Variants in PPP1R9B observed in about 807,000 individuals in gnomAD.
PPP1R9B encodes the protein neurabin-2.
A neutral mutation model predicts 75.8 loss-of-function variants in PPP1R9B; 17 were observed. That is an observed-to-expected ratio of 0.22 (90% CI 0.15 to 0.34). PPP1R9B has a LOEUF of 0.34. PPP1R9B is among the 10% of genes least tolerant of loss of function. The probability of loss-of-function intolerance (pLI) is 1.00; values close to 1 mark genes in which losing one functional copy is unlikely to be tolerated. For synonymous variants in PPP1R9B, 509 were observed against 535.4 expected, an observed-to-expected ratio of 0.95 and a Z score of 0.68; for missense variants, 875 against 1,196.0, an observed-to-expected ratio of 0.73 and a Z score of 3.96.
At position 50,149,769 on chromosome 17, in the gene PPP1R9B, G is replaced by A. The variant is rs1328875567; in HGVS notation, c.745C>T (p.Arg249Trp). The change falls in exon 1 of 10, where the codon CGG becomes TGG. Residue 249 changes from arginine to tryptophan, a missense_variant. By Grantham distance (101) the Arg-to-Trp change is moderately radical (BLOSUM62 -3). Around this residue, in one of 4 missense-constraint regions of PPP1R9B, gnomAD observed 449 missense variants for 475.0 expected, o/e 0.95. Transcript: ENST00000612501. The surrounding 1 kb of genome is among the most constrained non-coding windows in gnomAD (Gnocchi z 7.2). ...VNSKLVSKRS[R>W]VFQPPPPPPP... ...GGCGGCGGCGGGGGCTGGAACACCC[G>A]GGACCGCTTGCTGACCAGCTTCGAG... is the stretch of plus-strand genomic sequence containing the variant. 7.1e-7 allele frequency: 1 copy of A among 1,411,612 alleles called. No homozygotes were observed. Among genetic ancestry groups the A allele is most frequent in the South Asian group, 1.5e-5 (1 of 64,684 alleles). The allele number at this position is 1,411,612 out of a possible 1,614,324, so 87.4% of individuals were successfully genotyped here.
rs936270491 is a variant in PPP1R9B, at chr17:50,150,029, T to A, written c.485A>T (p.Asp162Val). 6.8e-7 allele frequency: 1 copy of A among 1,474,466 alleles called. No homozygotes were observed. The highest frequency in any genetic ancestry group is 1.5e-5 in the African/African-American group (1 of 67,894). The allele number at this position is 1,474,466 out of a possible 1,614,324, so 91.3% of individuals were successfully genotyped here. A position where few individuals can be genotyped will look rare whatever the true frequency, so the allele number is the denominator to read the frequency against. ...CAGCCGCCGCGCCGCGGCCTCCTTG[T>A]CGCCGCCTGCGGCCGCTGGGGCGCT... The part of the protein sequence containing the change: ...ERSAPAAAGG[D>V]KEAAARRLLR... The change falls in exon 1 of 10, where the codon GAC becomes GTC. Residue 162 changes from aspartate (D) to valine (V), a missense_variant. Coordinates refer to ENST00000612501, the MANE Select transcript of PPP1R9B (RefSeq NM_032595.5). This position sits in a 1 kb window ranked among gnomAD's most constrained non-coding sequence, Gnocchi z 8.7.
At position 50,135,004 on chromosome 17, in the gene PPP1R9B, T is replaced by C. The variant is rs1912181090; in HGVS notation, c.*327A>G. The C allele has an allele frequency of 6.0e-6, 2 of 333,042 alleles. No homozygotes were observed. The highest frequency in any genetic ancestry group is 1.1e-5 in the Non-Finnish European group (2 of 176,144). 20.6% of individuals were successfully genotyped at this position (333,042 alleles called of 1,614,324 possible). On this transcript the variant is annotated 3_prime_UTR_variant, in exon 10 of 10. Transcript: ENST00000612501. ...TCCAGTCCAGAGACAAAAGCTGGAG[T>C]GTGTAAAGTCTGGCAGTTTGATCTG...
chr17:50,146,315 G>A (rs1272864124), intron 1 of PPP1R9B: 1 of 152,166 alleles, frequency 6.6e-6, no homozygotes, highest in Admixed American at 6.5e-5. Flanking sequence ...AAGCTTCATC[G>A]CCTGCAGTGA....
chr17:50,144,389 T>C (rs1912461717), intron 2 of PPP1R9B, among the ~76,000 whole-genome samples: 1 of 152,188 alleles, frequency 6.6e-6, no homozygotes, highest in African/African-American at 2.4e-5. Context: ...CTCTGCCATC[T>C]TCCTGTCCAC....
chr17:50,149,869 G>A lies in PPP1R9B; in HGVS notation c.645C>T (p.Phe215=). The A allele has an allele frequency of 6.7e-7, 1 of 1,493,604 alleles. No individual in the cohort carries two copies. The highest frequency in any genetic ancestry group is 2.2e-5 in the Admixed American group (1 of 45,552). 92.5% of individuals were successfully genotyped at this position (1,493,604 alleles called of 1,614,324 possible). The change falls in exon 1 of 10, where the codon TTC becomes TTT. Residue 215 remains phenylalanine (F), a synonymous_variant. Transcript: ENST00000612501. The surrounding 1 kb of genome is among the most constrained non-coding windows in gnomAD (Gnocchi z 7.2). ...GGCCGGTCCTCGAGTCGGCCTTCTCGAAGACGGCGCTGAGCTGGCTGACCG... is the reference window on the plus strand; with the variant it reads ...GGCCGGTCCTCGAGTCGGCCTTCTCAAAGACGGCGCTGAGCTGGCTGACCG... ...SPTVSQLSAV[F]EKADSRTGLH...
Position 50,149,593 on chromosome 17 carries a change from C to A in PPP1R9B, c.921G>T (p.Gly307=). The A allele has an allele frequency of 1.9e-6, 3 of 1,569,806 alleles. No homozygotes were observed. The highest frequency in any genetic ancestry group is 1.7e-6 in the Non-Finnish European group (2 of 1,162,702). The change falls in exon 1 of 10, where the codon GGG becomes GGT. Residue 307 remains glycine, a synonymous_variant. Transcript: ENST00000612501. This position sits in a 1 kb window ranked among gnomAD's most constrained non-coding sequence, Gnocchi z 7.2. Reference sequence around the variant, plus strand: ...CGGGCGCCGACTCGGCCTCCGACTCCCCGCTCTCCTCCACCTCCACCGGCT... The same window carrying A: ...CGGGCGCCGACTCGGCCTCCGACTCACCGCTCTCCTCCACCTCCACCGGCT... ...KIKPVEVEES[G]ESEAESAPGE...
chr17:50,142,972 C>T lies in PPP1R9B; in HGVS notation c.1625+626G>A, dbSNP rs1430055090. On this transcript the variant is annotated intron_variant, in intron 3 of 9. Transcript: ENST00000612501. The surrounding 1 kb of genome is among the most constrained non-coding windows in gnomAD (Gnocchi z 4.1). ...CGCCACTGCCTGGAACCTCTGCACT[C>T]ACTCCCTCAGCACAGCTAACTCCTG... Among the ~76,000 whole-genome samples, 1 of 151,322 alleles carries T rather than the reference C, an allele frequency of 6.6e-6. No homozygotes were observed. Among genetic ancestry groups the T allele is most frequent in the Admixed American group, 6.6e-5 (1 of 15,144 alleles).
At chr17:50,143,530 C>T (rs1912440111) in intron 3 of PPP1R9B, 68 bp downstream of exon 3, 17 of 1,484,450 alleles carry the variant, frequency 1.1e-5, no homozygotes, top group Middle Eastern at 3.7e-4. Context: ...TGCTCAGTGG[C>T]CCACCCCACC....
chr17:50,136,704 C>T (rs1912240740), intron 7 of PPP1R9B, among the ~76,000 whole-genome samples: 1 of 152,152 alleles, frequency 6.6e-6, no homozygotes, highest in Non-Finnish European at 1.5e-5. Flanking sequence ...CAGGTGACCC[C>T]AGCGCAGACC....
In PPP1R9B at chr17:50,150,502, C is replaced by T. The variant is rs990358707; in HGVS notation, c.12G>A (p.Thr4=). The change falls in exon 1 of 10, where the codon ACG becomes ACA. Residue 4 remains threonine (T), a synonymous_variant. Transcript: ENST00000612501. The surrounding 1 kb of genome is among the most constrained non-coding windows in gnomAD (Gnocchi z 8.7). MMK[T]EPRGPGGPLR... is the part of the protein sequence containing the mutation. ...GGGGACCCCCGGGCCCCCGTGGCTC[C>T]GTCTTCATCATGGTGGGGGGAGCCG... is the stretch of plus-strand genomic sequence containing the variant. 2.4e-5 allele frequency: 32 copies of T among 1,347,596 alleles called. No individual in the cohort carries two copies. The highest frequency in any genetic ancestry group is 3.1e-5 in the African/African-American group (2 of 65,032). The allele number at this position is 1,347,596 out of a possible 1,614,324, so 83.5% of individuals were successfully genotyped here.
chr17:50,149,952 G>T lies in PPP1R9B; in HGVS notation c.562C>A (p.Arg188Ser). The change falls in exon 1 of 10, where the codon CGC (arginine) becomes AGC (serine). Residue 188 changes from arginine (R) to serine (S), a missense_variant. Physicochemically the swap from Arg to Ser is moderately radical, Grantham distance 110. Transcript: ENST00000612501. The surrounding 1 kb of genome is among the most constrained non-coding windows in gnomAD (Gnocchi z 7.2). Reference protein sequence around the residue: ...LQDRKLDVVVRFNGSTEALDK... With the variant: ...LQDRKLDVVVSFNGSTEALDK... ...AGCGCCTCGGTGCTGCCGTTGAAGC[G>T]CACCACGACGTCCAGCTTCCGGTCC... 3 of 1,514,812 alleles carry T rather than the reference G, an allele frequency of 2.0e-6. No homozygotes were observed. The highest frequency in any genetic ancestry group is 1.2e-5 in the South Asian group (1 of 81,992). 93.8% of individuals were successfully genotyped at this position (1,514,812 alleles called of 1,614,324 possible). A position where few individuals can be genotyped will look rare whatever the true frequency, so the allele number is the denominator to read the frequency against.
At chr17:50,143,521 G>C in intron 3 of PPP1R9B, 77 bp downstream of exon 3, 3 of 1,548,600 alleles carry the variant, frequency 1.9e-6, no homozygotes, top group Non-Finnish European at 1.8e-6. Context: ...CCCACCCCCT[G>C]CTCAGTGGCC....
In PPP1R9B at chr17:50,134,968, C is replaced by T. The variant is rs1408999765; in HGVS notation, c.*363G>A. ...CCCAGTTGGCAGATGCTGGGAGAGC[C>T]CCAGCCCCGTTCCAGTCCAGAGACA... On this transcript the variant is annotated 3_prime_UTR_variant, in exon 10 of 10. Transcript: ENST00000612501. 3.8e-6 allele frequency: 1 copy of T among 263,708 alleles called. No homozygotes were observed. The highest frequency in any genetic ancestry group is 7.4e-6 in the Non-Finnish European group (1 of 134,880). 16.3% of individuals were successfully genotyped at this position (263,708 alleles called of 1,614,324 possible).
At position 50,143,600 on chromosome 17, in the gene PPP1R9B, G is replaced by C. The variant is rs1263493762; in HGVS notation, c.1623C>G (p.Gly541=). 1 of 1,613,888 alleles carries C rather than the reference G, an allele frequency of 6.2e-7. No individual in the cohort carries two copies. The highest frequency in any genetic ancestry group is 1.7e-5 in the Admixed American group (1 of 60,020). The stretch of plus-strand genomic sequence containing the variant: ...GCGAGACTGGGGAGGATTGGTACCT[G>C]CCATCCCGATGGGCCGCACCACCCT... The part of the protein sequence containing the change: ...VTEGGAAHRD[G]RIQVNDLLVE... The change falls in exon 3 of 10, where the codon GGC becomes GGG. Residue 541 remains glycine, a splice_region_variant and synonymous_variant. Transcript: ENST00000612501.
In PPP1R9B at chr17:50,150,030, C is replaced by T. The variant is rs777453689; in HGVS notation, c.484G>A (p.Asp162Asn). Residue 162 changes from aspartate to asparagine, a missense_variant, in exon 1 of 10, where the codon GAC (aspartate) becomes AAC (asparagine). Asp to Asn is a conservative substitution (Grantham distance 23). Transcript: ENST00000612501. This position sits in a 1 kb window ranked among gnomAD's most constrained non-coding sequence, Gnocchi z 8.7. ...AGCCGCCGCGCCGCGGCCTCCTTGT[C>T]GCCGCCTGCGGCCGCTGGGGCGCTC... ...ERSAPAAAGG[D>N]KEAAARRLLR... 2.7e-6 allele frequency: 4 copies of T among 1,472,762 alleles called. No individual in the cohort carries two copies. Among genetic ancestry groups the T allele is most frequent in the Middle Eastern group, 2.2e-4 (1 of 4,560 alleles). 91.2% of individuals were successfully genotyped at this position (1,472,762 alleles called of 1,614,324 possible). A position where few individuals can be genotyped will look rare whatever the true frequency, so the allele number is the denominator to read the frequency against.
chr17:50,150,533 G>A lies in PPP1R9B; in HGVS notation c.-20C>T. The A allele has an allele frequency of 7.6e-7, 1 of 1,312,818 alleles. No individual in the cohort carries two copies. Among genetic ancestry groups the A allele is most frequent in the African/African-American group, 1.5e-5 (1 of 64,788 alleles). 81.3% of individuals were successfully genotyped at this position (1,312,818 alleles called of 1,614,324 possible). ...CATCATGGTGGGGGGAGCCGGGTTC[G>A]CATGCCCCTGCTCCCCGCTCCCCCG... is the stretch of plus-strand genomic sequence containing the variant. On this transcript the variant is annotated 5_prime_UTR_variant, in exon 1 of 10. It introduces an in-frame stop codon into an upstream open reading frame of the 5' UTR. Coordinates refer to ENST00000612501, the MANE Select transcript of PPP1R9B (RefSeq NM_032595.5). The surrounding 1 kb of genome is among the most constrained non-coding windows in gnomAD (Gnocchi z 8.7).
chr17:50,150,022 C>G lies in PPP1R9B; in HGVS notation c.492G>C (p.Glu164Asp), dbSNP rs199651216. 1,022 of 1,478,984 alleles carry G rather than the reference C, an allele frequency of 6.9e-4. 11 individuals carry two copies. The African/African-American group carries it at 0.013, about 18-fold the overall frequency. 91.6% of individuals were successfully genotyped at this position (1,478,984 alleles called of 1,614,324 possible). A position where few individuals can be genotyped will look rare whatever the true frequency, so the allele number is the denominator to read the frequency against. The change falls in exon 1 of 10, where the codon GAG becomes GAC. Residue 164 changes from glutamate to aspartate, a missense_variant. Glu to Asp is a conservative substitution (Grantham distance 45). Around this residue, in one of 4 missense-constraint regions of PPP1R9B, gnomAD observed 449 missense variants for 475.0 expected, o/e 0.95. Transcript: ENST00000612501. This position sits in a 1 kb window ranked among gnomAD's most constrained non-coding sequence, Gnocchi z 8.7. ...GCCTCAGCAGCCGCCGCGCCGCGGC[C>G]TCCTTGTCGCCGCCTGCGGCCGCTG... ...SAPAAAGGDK[E>D]AAARRLLRQE...
Position 50,135,115 on chromosome 17 carries a change from T to A in PPP1R9B, c.*216A>T, listed in dbSNP as rs763524771. ...CAGCCCCATGGGGCAAGAAAGAGGC[T>A]GCCCTTCTAGCCACCTCTGTCTGCC... On this transcript the variant is annotated 3_prime_UTR_variant, in exon 10 of 10. Coordinates refer to ENST00000612501, the MANE Select transcript of PPP1R9B (RefSeq NM_032595.5). The A allele has an allele frequency of 5.1e-6, 3 of 587,976 alleles. No homozygotes were observed. The highest frequency in any genetic ancestry group is 9.1e-6 in the Non-Finnish European group (3 of 329,294). The allele number at this position is 587,976 out of a possible 1,614,324, so 36.4% of individuals were successfully genotyped here.
rs367543192 is a variant in PPP1R9B, at chr17:50,149,443, C to T, written c.1071G>A (p.Ala357=). ...CCCCCCTCTCTGGCGGCGCTACCGC[C>T]GCCGCCTCCTTCTCCGGGGCCGCTT... ...KAQAAPEKEA[A]AVAPPERGVG... The change falls in exon 1 of 10, where the codon GCG becomes GCA. Residue 357 remains alanine (A), a synonymous_variant. Transcript: ENST00000612501. The surrounding 1 kb of genome is among the most constrained non-coding windows in gnomAD (Gnocchi z 7.2). The T allele has an allele frequency of 2.5e-6, 4 of 1,606,886 alleles. No homozygotes were observed. In the South Asian group the frequency reaches 4.4e-5, roughly 18 times the overall value.
Sources: allele counts gnomAD v4.1 joint callset (sites outside exome capture counted in the v4.1 genomes callset), GRCh38; gene constraint gnomAD v4.1.1; regional missense constraint gnomAD v4.1.1; non-coding constraint Gnocchi (gnomAD v3.1); transcripts MANE v1.5; gene names NCBI Gene and HGNC (gene_info 2026-07-23, HGNC 2026-07-21).